RAB33B: variants seen among roughly 807,000 people sequenced by gnomAD.
RAB33B encodes RAB33B, member RAS oncogene family.
A neutral mutation model predicts 15.0 loss-of-function variants in RAB33B; 6 were observed. The ratio of observed to expected loss-of-function variants is 0.40; its 90% CI spans 0.22 to 0.79. The LOEUF (loss-of-function observed/expected upper bound fraction) is 0.79. Among genes scored for constraint, RAB33B ranks in the 30% least tolerant of loss-of-function variants. The probability of loss-of-function intolerance (pLI) is 0.37; values close to 1 mark genes in which losing one functional copy is unlikely to be tolerated. For missense variants in RAB33B, 257 were observed against 296.4 expected (o/e 0.87, Z 0.98); for synonymous variants, 117 against 108.3 (o/e 1.08, Z -0.50).
rs79952078 is a variant in RAB33B at position 139,473,669 on chromosome 4, C to T, written c.*543C>T. 0.079 allele frequency: 12,065 copies of T among 152,580 alleles called. 646 individuals carry two copies. The highest frequency in any genetic ancestry group is 0.12 in the Non-Finnish European group (8,484 of 68,334). The allele number at this position is 152,580 out of a possible 1,614,324, so 9.5% of individuals were successfully genotyped here. On this transcript the variant is annotated 3_prime_UTR_variant, in exon 2 of 2. Transcript: ENST00000305626. ...GTACTGGGACTGTAGGTACTCACCACTGCATCTGGCCTTTCTTTGTTTTAT... is the reference window on the plus strand; with the variant it reads ...GTACTGGGACTGTAGGTACTCACCATTGCATCTGGCCTTTCTTTGTTTTAT...
At chr4:139,466,939 A>C (rs1750298892) in intron 1 of RAB33B, among the ~76,000 whole-genome samples, 1 of 136,058 alleles carries the variant, frequency 7.3e-6, no homozygotes, top group African/African-American at 2.7e-5. Flanking sequence ...CTTCACTTTG[A>C]TAGTGTCCTT....
the RAB33B span, among the ~76,000 whole-genome samples, chr4:139,447,195 T>C: frequency 6.6e-6 from 1 of 152,230 alleles, no homozygotes; most frequent in Non-Finnish European, 1.5e-5. Context: ...CCCGTCATCC[T>C]GAAGCAGCTG....
the RAB33B span, among the ~76,000 whole-genome samples, chr4:139,438,772 G>A: frequency 6.6e-6 from 1 of 152,172 alleles, no homozygotes; most frequent in East Asian, 1.9e-4. Context: ...ACAAAAAGTG[G>A]AGTTACATAC....
intron 1 of RAB33B, among the ~76,000 whole-genome samples, chr4:139,469,610 C>T: frequency 6.6e-6 from 1 of 152,206 alleles, no homozygotes; most frequent in Non-Finnish European, 1.5e-5. Context: ...GTGGTCTTCA[C>T]TGTCTGGGCT....
the RAB33B span, among the ~76,000 whole-genome samples, chr4:139,439,149 C>T: frequency 3.9e-5 from 6 of 152,188 alleles, no homozygotes; most frequent in South Asian, 2.1e-4. Context: ...TACAGGCACC[C>T]ACTACCACGC....
Position 139,473,030 on chromosome 4 carries a change from G to A in RAB33B, c.594G>A (p.Lys198=), listed in dbSNP as rs1348160550. The change falls in exon 2 of 2, where the codon AAG becomes AAA. Residue 198 remains lysine, a synonymous_variant. Coordinates refer to ENST00000305626, the MANE Select transcript of RAB33B (RefSeq NM_031296.3). ...VEAIFMTLAH[K]LKSHKPLMLS... The stretch of plus-strand genomic sequence containing the variant: ...CTATATTTATGACCTTGGCTCATAA[G>A]CTTAAGAGCCACAAACCATTAATGC... 9 of 1,614,002 alleles carry A rather than the reference G, an allele frequency of 5.6e-6. No individual in the cohort carries two copies. The Admixed American group carries it at 1.0e-4, about 18-fold the overall frequency.
upstream of RAB33B, chr4:139,451,956 T>A (rs1246520279): frequency 6.6e-6 from 1 of 152,234 alleles, no homozygotes; most frequent in Non-Finnish European, 1.5e-5. Context: ...TTTCCTCCAA[T>A]TATCAATTCT....
chr4:139,455,158 T>C (rs1054180854), intron 1 of RAB33B, among the ~76,000 whole-genome samples: 1 of 152,146 alleles, frequency 6.6e-6, no homozygotes, highest in Admixed American at 6.5e-5. Context: ...ACAGTAATAG[T>C]GGAGAAGGTA....
At chr4:139,444,320 G>C in the RAB33B span, among the ~76,000 whole-genome samples, 1 of 152,160 alleles carries the variant, frequency 6.6e-6, no homozygotes, top group Non-Finnish European at 1.5e-5. Context: ...ATTTAATGTA[G>C]AGGAAGGGAT....
chr4:139,462,191 C>T (rs1054216790), intron 1 of RAB33B, among the ~76,000 whole-genome samples: 1 of 151,660 alleles, frequency 6.6e-6, no homozygotes, highest in East Asian at 2.0e-4. Flanking sequence ...GTAGCTGGGA[C>T]TACAGGTGCC....
rs1750486069 is a variant in RAB33B, at chr4:139,475,572, C to G, written c.*2446C>G. On this transcript the variant is annotated 3_prime_UTR_variant, in exon 2 of 2. Transcript: ENST00000305626. ...CTTAAAATATTTATAAAACATTTCA[C>G]TGTTGCAAAATCACTTCCAAAATGA... 6.6e-6 allele frequency: 1 copy of G among 151,942 alleles called. No homozygotes were observed. Among genetic ancestry groups the G allele is most frequent in the Non-Finnish European group, 1.5e-5 (1 of 67,908 alleles). The allele number at this position is 151,942 out of a possible 1,614,324, so 9.4% of individuals were successfully genotyped here.
At chr4:139,450,018 C>T (rs905389213), upstream of RAB33B, 1 of 152,140 alleles carries the variant, frequency 6.6e-6, no homozygotes, top group African/African-American at 2.4e-5. Flanking sequence ...TAAAATTTAG[C>T]ATTCTGTTTT....
chr4:139,446,966 G>C, the RAB33B span, among the ~76,000 whole-genome samples: 1 of 152,184 alleles, frequency 6.6e-6, no homozygotes, highest in East Asian at 1.9e-4. Context: ...AAGGGTAGAG[G>C]TTTGTCCTCA....
chr4:139,439,737 CA>C, the RAB33B span, among the ~76,000 whole-genome samples: 1 of 152,156 alleles, frequency 6.6e-6, no homozygotes, highest in African/African-American at 2.4e-5. Context: ...TTCTGTTCCT[CA>C]GACTCAATAA....
At chr4:139,457,522 G>A (rs527398276) in intron 1 of RAB33B, among the ~76,000 whole-genome samples, 10 of 152,150 alleles carry the variant, frequency 6.6e-5, no homozygotes, top group South Asian at 6.2e-4. Flanking sequence ...TTTTTGTAGC[G>A]GTAGAAATGA....
chr4:139,453,978 G>A (rs1446695846), upstream of RAB33B: 4 of 433,534 alleles, frequency 9.2e-6, no homozygotes, highest in Non-Finnish European at 1.6e-5. Context: ...TGTGGCCGCG[G>A]GCAGGCGGCT....
At chr4:139,442,564 A>G in the RAB33B span, among the ~76,000 whole-genome samples, 14 of 152,266 alleles carry the variant, frequency 9.2e-5, no homozygotes, top group Admixed American at 8.5e-4. Flanking sequence ...TGCCAGCATG[A>G]TCAGAATATA....
At chr4:139,470,437 C>A (rs887128214) in intron 1 of RAB33B, among the ~76,000 whole-genome samples, 1 of 152,230 alleles carries the variant, frequency 6.6e-6, no homozygotes, top group Non-Finnish European at 1.5e-5. Flanking sequence ...CTGGGCCTCA[C>A]CCTTCAGAGT....
chr4:139,456,511 ATAAAT>A (rs1166866766), intron 1 of RAB33B, among the ~76,000 whole-genome samples: 2 of 135,626 alleles, frequency 1.5e-5, no homozygotes, highest in Non-Finnish European at 2.9e-5. Flanking sequence ...GCTGGCAGTG[ATAAAT>A]AAGACAGAAC....
Sources: allele counts gnomAD v4.1 joint callset (sites outside exome capture counted in the v4.1 genomes callset), GRCh38; gene constraint gnomAD v4.1.1; transcripts MANE v1.5; gene names NCBI Gene and HGNC (gene_info 2026-07-23, HGNC 2026-07-21).